Variants in TPO observed in about 807,000 individuals in gnomAD.
TPO encodes the protein thyroid microsomal antigen.
In TPO, 78 loss-of-function variants were observed where a neutral mutation model predicts 96.9. The observed-to-expected ratio is 0.81, with a 90% CI of 0.67 to 0.97. The LOEUF is 0.97. TPO is among the 50% of genes least tolerant of loss of function. The pLI is 0.00. For missense variants in TPO, 1,252 were observed against 1,274.8 expected, an observed-to-expected ratio of 0.98 and a Z score of 0.27; for synonymous variants, 547 against 538.0, an observed-to-expected ratio of 1.02 and a Z score of -0.23.
At chr2:1,393,983 G>A (rs1378043600) in intron 1 of TPO, among the ~76,000 whole-genome samples, 1 of 152,150 alleles carries the variant, frequency 6.6e-6, no homozygotes, top group East Asian at 1.9e-4. Flanking sequence ...ATGTGTCAAG[G>A]GCGCTTTAGT....
intron 1 of TPO, among the ~76,000 whole-genome samples, chr2:1,384,087 G>T (rs534058131): frequency 6.6e-6 from 1 of 152,246 alleles, no homozygotes; most frequent in Non-Finnish European, 1.5e-5. Flanking sequence ...ATCTCTGTTT[G>T]GTACCAGTAC....
At chr2:1,511,756 GC>G (rs1432841533) in intron 14 of TPO, among the ~76,000 whole-genome samples, 2 of 152,130 alleles carry the variant, frequency 1.3e-5, no homozygotes, top group Non-Finnish European at 2.9e-5. Flanking sequence ...ACATCCCCAT[GC>G]CACTGCAATT....
rs375133048 is a variant in TPO, at chr2:1,504,036, C to T, written c.2475C>T (p.Cys825=). Residue 825 remains cysteine (C), a synonymous_variant, in exon 14 of 17, where the codon TGC becomes TGT. Coordinates refer to ENST00000329066, the MANE Select transcript of TPO (RefSeq NM_001206744.2). Reference sequence around the variant, plus strand: ...CCAAAGGCGGCTTCCAGTGTCTCTGCGCGGACCCCTACGAGTTAGGAGACG... The same window carrying T: ...CCAAAGGCGGCTTCCAGTGTCTCTGTGCGGACCCCTACGAGTTAGGAGACG... ...RNTKGGFQCL[C]ADPYELGDDG... 3.3e-5 allele frequency: 53 copies of T among 1,614,090 alleles called. No homozygotes were observed. The highest frequency in any genetic ancestry group is 2.8e-4 in the Admixed American group (17 of 60,014).
chr2:1,509,725 G>C (rs897855793), intron 14 of TPO, among the ~76,000 whole-genome samples: 3 of 137,694 alleles, frequency 2.2e-5, no homozygotes, highest in African/African-American at 8.5e-5. Flanking sequence ...GTCAGGCACA[G>C]CCCACCCTCT....
intron 8 of TPO, among the ~76,000 whole-genome samples, chr2:1,480,798 TCCTGCTGCATCCGTCCACACCACGTC>T (rs1284688642): frequency 1.8e-4 from 27 of 152,108 alleles, no homozygotes; most frequent in African/African-American, 6.3e-4. Flanking sequence ...ACCACCTTCC[TCCTGCTGCATCCGTCCACACCACGTC>T]CCTGCTGCTG....
At chr2:1,383,673 G>A (rs1007275032) in intron 1 of TPO, among the ~76,000 whole-genome samples, 3 of 152,096 alleles carry the variant, frequency 2.0e-5, no homozygotes, top group Admixed American at 6.5e-5. Context: ...TCTGTAGGTT[G>A]CCTGTTCACT....
chr2:1,528,967 C>G (rs550952677), intron 15 of TPO, among the ~76,000 whole-genome samples: 1 of 141,830 alleles, frequency 7.1e-6, no homozygotes, highest in African/African-American at 2.7e-5. Context: ...CTCCTAAAAT[C>G]CCCCCACTGT....
chr2:1,426,408 A>T (rs1048844353), intron 3 of TPO, among the ~76,000 whole-genome samples: 6 of 152,120 alleles, frequency 3.9e-5, no homozygotes, highest in Non-Finnish European at 7.4e-5. Context: ...GATGAGTTTG[A>T]TCATTTCATA....
intron 3 of TPO, among the ~76,000 whole-genome samples, chr2:1,425,389 G>A (rs1009084428): frequency 4.1e-4 from 63 of 151,904 alleles, no homozygotes; most frequent in African/African-American, 1.4e-3. Flanking sequence ...ACAGAGATGC[G>A]TTAGATCATT....
intron 13 of TPO, among the ~76,000 whole-genome samples, chr2:1,502,946 AGCCGACCAC>A (rs1673022353): frequency 6.6e-6 from 1 of 152,124 alleles, no homozygotes; most frequent in Non-Finnish European, 1.5e-5. Flanking sequence ...GCAGGTGGCC[AGCCGACCAC>A]CCCAGCTGGC....
intron 3 of TPO, among the ~76,000 whole-genome samples, chr2:1,424,181 T>G (rs1664085392): frequency 1.3e-5 from 2 of 152,200 alleles, no homozygotes; most frequent in Admixed American, 6.5e-5. Context: ...ACGTGTCAGA[T>G]TTACATGGTG....
intron 2 of TPO, among the ~76,000 whole-genome samples, chr2:1,422,388 C>CTCTCCTGGACCGACCTCGTGCAG (rs1573110964): frequency 8.6e-5 from 13 of 152,010 alleles, no homozygotes; most frequent in East Asian, 5.8e-4. Context: ...GTGCAGGCGC[C>CTCTCCTGGACCGACCTCGTGCAG]GCGCTGGGCC....
chr2:1,431,504 A>G (rs1664974202), intron 3 of TPO, among the ~76,000 whole-genome samples: 1 of 152,198 alleles, frequency 6.6e-6, no homozygotes, highest in Non-Finnish European at 1.5e-5. Context: ...TTAAAAATTT[A>G]TTTTTATTGT....
At position 1,435,019 on chromosome 2, in the gene TPO, C is replaced by T. The variant is rs28909379; in HGVS notation, c.350-1233C>T. ...GGCGATCTCGGCTCACTGCAAGCTC[C>T]GCCTCCCAGGTTCACGCCATTCTCC... On this transcript the variant is annotated intron_variant, in intron 4 of 16. Coordinates refer to ENST00000329066, the MANE Select transcript of TPO (RefSeq NM_001206744.2). Among the ~76,000 whole-genome samples, 897 of 152,172 alleles carry T rather than the reference C, an allele frequency of 5.9e-3. 11 individuals are homozygous for T. Among genetic ancestry groups the T allele is most frequent in the African/African-American group, 0.02 (850 of 41,506 alleles).
chr2:1,420,794 G>A (rs1473791875), intron 2 of TPO, among the ~76,000 whole-genome samples: 1 of 152,086 alleles, frequency 6.6e-6, no homozygotes, highest in East Asian at 1.9e-4. Context: ...TTCTACTAAG[G>A]CAGTAGAAAG....
chr2:1,441,171 G>T (rs544556504), intron 5 of TPO, among the ~76,000 whole-genome samples: 1 of 152,048 alleles, frequency 6.6e-6, no homozygotes, highest in Non-Finnish European at 1.5e-5. Context: ...GAGGCAGTAC[G>T]TTGGAAGGGA....
chr2:1,378,228 A>T (rs1661753045), intron 1 of TPO, among the ~76,000 whole-genome samples: 2 of 152,200 alleles, frequency 1.3e-5, no homozygotes, highest in African/African-American at 4.8e-5. Context: ...GGACTAATAC[A>T]CTGCCTGTTT....
chr2:1,482,654 A>T (rs1670757807), intron 8 of TPO, among the ~76,000 whole-genome samples: 1 of 152,154 alleles, frequency 6.6e-6, no homozygotes. Flanking sequence ...AATTCCAGAG[A>T]GCTGTTTACA....
At chr2:1,513,274 G>C (rs767567508) in intron 14 of TPO, among the ~76,000 whole-genome samples, 9 of 152,234 alleles carry the variant, frequency 5.9e-5, no homozygotes, top group Non-Finnish European at 1.2e-4. Context: ...GAGTGGACAT[G>C]CGCTCAGGTG....
Sources: allele counts gnomAD v4.1 joint callset (sites outside exome capture counted in the v4.1 genomes callset), GRCh38; gene constraint gnomAD v4.1.1; transcripts MANE v1.5; gene names NCBI Gene and HGNC (gene_info 2026-07-23, HGNC 2026-07-21).